CCDC7: variants seen among roughly 807,000 people sequenced by gnomAD.
The protein encoded by CCDC7 is coiled-coil domain-containing protein 7.
In CCDC7, 183 loss-of-function variants were observed where a neutral mutation model predicts 196.9. The observed-to-expected ratio is 0.93, with a 90% CI of 0.82 to 1.05. CCDC7 has a LOEUF of 1.05. Among genes scored for constraint, CCDC7 ranks in the 50% least tolerant of loss-of-function variants. The pLI is 0.00. For missense variants in CCDC7, 1,540 were observed against 1,482.2 expected (o/e 1.04, Z -0.64); for synonymous variants, 525 against 484.6 (o/e 1.08, Z -1.10).
intron 23 of CCDC7, among the ~76,000 whole-genome samples, chr10:32,690,943 A>G (rs1249784826): frequency 6.6e-6 from 1 of 152,222 alleles, no homozygotes; most frequent in Non-Finnish European, 1.5e-5. Context: ...TGGTGTCCTC[A>G]GATGCAAAAC....
chr10:32,611,242 T>C (rs1166155381), intron 18 of CCDC7, among the ~76,000 whole-genome samples: 1 of 152,254 alleles, frequency 6.6e-6, no homozygotes, highest in Non-Finnish European at 1.5e-5. Flanking sequence ...TCTGTTCATA[T>C]CCTTTGCCCA....
At chr10:32,871,127 G>A (rs1329872904) in intron 41 of CCDC7, among the ~76,000 whole-genome samples, 9 of 152,132 alleles carry the variant, frequency 5.9e-5, no homozygotes, top group East Asian at 1.9e-4. Context: ...AATGAGTTAC[G>A]GAGGATTCTC....
At chr10:32,729,147 C>T (rs1169044112) in intron 27 of CCDC7, 150 bp downstream of exon 28, 1 of 835,420 alleles carries the variant, frequency 1.2e-6, no homozygotes, top group African/African-American at 1.7e-5. Context: ...AACTAGAGAA[C>T]AAAAGTAATG....
upstream of CCDC7, among the ~76,000 whole-genome samples, chr10:32,448,054 C>T (rs1251978708): frequency 2.6e-5 from 4 of 152,028 alleles, no homozygotes; most frequent in African/African-American, 9.7e-5. Context: ...TTTGCAAAGT[C>T]ATATTTGATT....
At chr10:32,745,814 C>T (rs2074620620) in intron 28 of CCDC7, among the ~76,000 whole-genome samples, 1 of 152,134 alleles carries the variant, frequency 6.6e-6, no homozygotes, top group African/African-American at 2.4e-5. Flanking sequence ...GAACTGACAC[C>T]TTGAAAATAT....
At chr10:32,559,523 C>A (rs960960962) in intron 13 of CCDC7, among the ~76,000 whole-genome samples, 3 of 152,182 alleles carry the variant, frequency 2.0e-5, no homozygotes, top group Non-Finnish European at 2.9e-5. Context: ...CATGAAAATC[C>A]GCTGTTGTGC....
intron 20 of CCDC7, among the ~76,000 whole-genome samples, chr10:32,644,023 C>T (rs1004796508): frequency 1.4e-5 from 1 of 69,962 alleles, no homozygotes; most frequent in Non-Finnish European, 5.8e-5. Context: ...TGGTGTCACT[C>T]TTTATTGTAG....
rs947721222 is a variant in CCDC7, at chr10:32,641,760, G to GT, written c.2014+6608dup. Reference sequence around the variant, plus strand: ...TTAGAGTTTCCAGTTTTTCTGTTCTGTTTTTTCCCCATCTTCGTGGTTTTA... The same window carrying GT: ...TTAGAGTTTCCAGTTTTTCTGTTCTGTTTTTTTCCCCATCTTCGTGGTTTTA... On this transcript the variant is annotated intron_variant, in intron 20 of 41. Transcript: ENST00000639629. Among the ~76,000 whole-genome samples the GT allele has an allele frequency of 3.3e-5, 5 of 152,280 alleles. No homozygotes were observed. In the East Asian group the frequency reaches 9.7e-4, roughly 29 times the overall value.
intron 28 of CCDC7, among the ~76,000 whole-genome samples, chr10:32,744,385 A>G (rs1179076709): frequency 6.6e-6 from 1 of 152,012 alleles, no homozygotes; most frequent in East Asian, 1.9e-4. Context: ...AAAAAAAAAA[A>G]AAAGAAACAG....
At chr10:32,729,200 G>T in intron 27 of CCDC7, 132 bp from the exon 29 acceptor site, 1 of 939,754 alleles carries the variant, frequency 1.1e-6, no homozygotes, top group South Asian at 1.8e-5. Context: ...ATTATAAGTA[G>T]TATCACTGCC....
intron 21 of CCDC7, among the ~76,000 whole-genome samples, chr10:32,681,388 A>C (rs1447919436): frequency 6.6e-6 from 1 of 152,194 alleles, no homozygotes. Context: ...TGGTCTGGCC[A>C]GACGCACTGA....
At chr10:32,820,341 T>C (rs1471605212) in intron 31 of CCDC7, among the ~76,000 whole-genome samples, 1 of 152,220 alleles carries the variant, frequency 6.6e-6, no homozygotes, top group Non-Finnish European at 1.5e-5. Context: ...GAACATTCCA[T>C]GCTCATGGGT....
At chr10:32,652,798 TTGTC>T (rs1309623532) in intron 20 of CCDC7, among the ~76,000 whole-genome samples, 1 of 152,226 alleles carries the variant, frequency 6.6e-6, no homozygotes, top group Non-Finnish European at 1.5e-5. Context: ...TTTAATAGTT[TTGTC>T]TGTCTTCAAA....
intron 18 of CCDC7, among the ~76,000 whole-genome samples, chr10:32,622,871 A>G (rs1487412895): frequency 6.6e-6 from 1 of 152,180 alleles, no homozygotes; most frequent in Non-Finnish European, 1.5e-5. Context: ...TTTAAAAAAT[A>G]GATATTATTA....
intron 9 of CCDC7, among the ~76,000 whole-genome samples, chr10:32,504,115 GTT>G (rs748760643): frequency 2.1e-4 from 20 of 96,304 alleles, no homozygotes; most frequent in African/African-American, 7.3e-4. Flanking sequence ...TTTATTGCTG[GTT>G]TTTTTTTTTT....
At chr10:32,530,946 T>C (rs1399269422) in intron 11 of CCDC7, among the ~76,000 whole-genome samples, 1 of 152,158 alleles carries the variant, frequency 6.6e-6, no homozygotes, top group African/African-American at 2.4e-5. Context: ...ATACCTATTT[T>C]GATGAGGGTT....
rs183824625 is a variant in CCDC7 at position 32,662,396 on chromosome 10, A to G, written c.2015-1658A>G. On this transcript the variant is annotated intron_variant, in intron 20 of 41. Transcript: ENST00000639629. ...TAGTTTTAAATTTGTTGTTCCTGCA[A>G]GAGGGATAATTGGTGTAACCTTCTA... Among the ~76,000 whole-genome samples the G allele has an allele frequency of 5.1e-4, 77 of 152,284 alleles. 1 individual carries two copies. The highest frequency in any genetic ancestry group is 3.9e-3 in the Admixed American group (60 of 15,282).
chr10:32,637,194 A>G (rs1361663086), intron 20 of CCDC7, among the ~76,000 whole-genome samples: 4 of 152,090 alleles, frequency 2.6e-5, no homozygotes, highest in Non-Finnish European at 5.9e-5. Flanking sequence ...GTTCACTCTG[A>G]TGGTAGTTTC....
intron 20 of CCDC7, among the ~76,000 whole-genome samples, chr10:32,663,165 A>T (rs1052235262): frequency 3.3e-5 from 5 of 152,276 alleles, no homozygotes; most frequent in Non-Finnish European, 5.9e-5. Flanking sequence ...TCCCTAATTA[A>T]ATCTAACGAG....
Sources: gnomAD v4.1 joint callset for allele counts (sites outside exome capture counted in the v4.1 genomes callset) on GRCh38, gnomAD v4.1.1 for gene constraint, MANE v1.5 for transcripts, NCBI Gene and HGNC (gene_info 2026-07-23, HGNC 2026-07-21) for gene names.